TET2: variants seen among roughly 807,000 people sequenced by gnomAD.
TET2 encodes the protein tet methylcytosine dioxygenase 2.
In TET2, 299 loss-of-function variants were observed where a neutral mutation model predicts 142.9. The ratio of observed to expected loss-of-function variants is 2.09; its 90% confidence interval spans 1.90 to 2.30. The LOEUF (loss-of-function observed/expected upper bound fraction) is 2.30, where lower values mean the gene tolerates loss of function less well. Among genes scored for constraint, TET2 ranks in the 30% most tolerant of loss-of-function variants. The pLI is 0.00. For synonymous variants in TET2, 819 were observed against 849.0 expected, an observed-to-expected ratio of 0.96 and a Z score of 0.61; for missense variants, 2,418 against 2,378.0, an observed-to-expected ratio of 1.02 and a Z score of -0.35.
chr4:105,191,776 G>A (rs935003683), intron 2 of TET2, among the ~76,000 whole-genome samples: 2 of 152,082 alleles, frequency 1.3e-5, no homozygotes, highest in African/African-American at 2.4e-5. Context: ...CAGGGCAAGC[G>A]CATCTGTCTA....
chr4:105,180,793 C>T (rs911481398), intron 1 of TET2, among the ~76,000 whole-genome samples: 6 of 152,120 alleles, frequency 3.9e-5, no homozygotes, highest in Non-Finnish European at 7.4e-5. Flanking sequence ...GCATGTGCCA[C>T]CACACCTGGC....
In TET2 at chr4:105,235,003, C is replaced by A. The variant is rs1223795843; in HGVS notation, c.1061C>A (p.Ser354Ter). The stretch of plus-strand genomic sequence containing the variant: ...CTAGCGTCTGGTGAAGAATTCTGTT[C>A]AGGTTCCAGCAGCAATTTGCAAGCT... The part of the protein sequence containing the change: ...TKLASGEEFC[S>*]GSSSNLQAPG... The change falls in exon 3 of 11, where the codon TCA becomes TAA. Residue 354 changes from serine to a stop codon, truncating the protein, a stop_gained. Coordinates refer to ENST00000380013, the MANE Select transcript of TET2 (RefSeq NM_001127208.3). LOFTEE classifies it high-confidence loss of function. 6.2e-7 allele frequency: 1 copy of A among 1,614,062 alleles called. No homozygotes were observed. Among genetic ancestry groups the A allele is most frequent in the Non-Finnish European group, 8.5e-7 (1 of 1,179,986 alleles).
chr4:105,152,821 T>A (rs1338263173), intron 1 of TET2, among the ~76,000 whole-genome samples: 1 of 152,154 alleles, frequency 6.6e-6, no homozygotes, highest in Non-Finnish European at 1.5e-5. Flanking sequence ...GATCTCGTAC[T>A]CCTGGTCTCA....
chr4:105,246,514 A>G (rs1191236618), intron 6 of TET2, among the ~76,000 whole-genome samples: 2 of 152,160 alleles, frequency 1.3e-5, no homozygotes, highest in Non-Finnish European at 2.9e-5. Flanking sequence ...TGCTTAAGCT[A>G]TGCTTATGCA....
chr4:105,276,307 G>A lies in TET2; in HGVS notation c.5797G>A (p.Glu1933Lys), dbSNP rs2110316522. 4.5e-6 allele frequency: 7 copies of A among 1,551,654 alleles called. No homozygotes were observed. Among genetic ancestry groups the A allele is most frequent in the Non-Finnish European group, 6.1e-6 (7 of 1,146,960 alleles). ...EKAREKEEEC[E>K]KYGPDYVPQK... ...AGCCCGTGAGAAAGAGGAAGAGTGT[G>A]AAAAGTATGGCCCAGACTATGTGCC... Residue 1933 changes from glutamate to lysine, a missense_variant, in exon 11 of 11, where the codon GAA (glutamate) becomes AAA (lysine). Physicochemically the swap from Glu to Lys is moderately conservative, Grantham distance 56 (BLOSUM62 1). Transcript: ENST00000380013.
intron 1 of TET2, among the ~76,000 whole-genome samples, chr4:105,149,993 A>C (rs1367726359): frequency 6.6e-6 from 1 of 152,214 alleles, no homozygotes; most frequent in Non-Finnish European, 1.5e-5. Context: ...CACTTGTTGA[A>C]GTTAAAAGTT....
At chr4:105,229,269 GC>G (rs1384931202) in intron 2 of TET2, among the ~76,000 whole-genome samples, 2 of 152,164 alleles carry the variant, frequency 1.3e-5, no homozygotes, top group Admixed American at 1.3e-4. Context: ...AGTAAATCTA[GC>G]AGAAATAAAA....
chr4:105,266,353 A>C (rs933392749), intron 8 of TET2, among the ~76,000 whole-genome samples: 1 of 152,216 alleles, frequency 6.6e-6, no homozygotes, highest in Admixed American at 6.5e-5. Flanking sequence ...AAATTAAAAA[A>C]AAAATCTACC....
At position 105,204,232 on chromosome 4, in the gene TET2, T is replaced by TACACACACACAC. The variant is rs762266771; in HGVS notation, c.-47+13728_-47+13729insCACACACACACA. Among the ~76,000 whole-genome samples, 159 of 107,706 alleles carry TACACACACACAC rather than the reference T, an allele frequency of 1.5e-3. 1 individual carries two copies. The highest frequency in any genetic ancestry group is 5.0e-3 in the African/African-American group (129 of 25,832). The allele number at this position is 107,706 out of a possible 152,430, so 70.7% of individuals were successfully genotyped here. A position where few individuals can be genotyped will look rare whatever the true frequency, so the allele number is the denominator to read the frequency against. ...AAACAAACCAAAAAAAAAAAAAATA[T>TACACACACACAC]ATACACACACACACACACACACACA... On this transcript the variant is annotated intron_variant, in intron 2 of 10. Coordinates refer to ENST00000380013, the MANE Select transcript of TET2 (RefSeq NM_001127208.3).
intron 8 of TET2, among the ~76,000 whole-genome samples, chr4:105,264,348 AAAAT>A (rs1386986290): frequency 1.4e-4 from 21 of 152,298 alleles, no homozygotes; most frequent in East Asian, 1.3e-3. Flanking sequence ...TCAAGCTATA[AAAAT>A]AAATAAATGA....
chr4:105,209,141 A>G (rs1380379605), intron 2 of TET2, among the ~76,000 whole-genome samples: 2 of 142,980 alleles, frequency 1.4e-5, no homozygotes, highest in Admixed American at 7.1e-5. Flanking sequence ...ATACACTGGT[A>G]TAAATGTCTG....
At chr4:105,189,284 A>G (rs991150842) in intron 1 of TET2, among the ~76,000 whole-genome samples, 2 of 152,212 alleles carry the variant, frequency 1.3e-5, no homozygotes, top group South Asian at 2.1e-4. Flanking sequence ...AGTGTCTGGC[A>G]TTTACCAAGA....
chr4:105,236,202 G>A lies in TET2; in HGVS notation c.2260G>A (p.Glu754Lys), dbSNP rs1210417590. 6.2e-7 allele frequency: 1 copy of A among 1,614,008 alleles called. No homozygotes were observed. The highest frequency in any genetic ancestry group is 1.7e-5 in the Admixed American group (1 of 59,986). ...GCAAAAATTACAAATAAAGAATAAAGAGGAAATACTCCAGACTTTTCCTCA... is the reference window on the plus strand; with the variant it reads ...GCAAAAATTACAAATAAAGAATAAAAAGGAAATACTCCAGACTTTTCCTCA... ...QQQKLQIKNK[E>K]EILQTFPHPQ... Residue 754 changes from glutamate to lysine, a missense_variant, in exon 3 of 11, where the codon GAG becomes AAG. Glu to Lys is a moderately conservative substitution (Grantham distance 56). Coordinates refer to ENST00000380013, the MANE Select transcript of TET2 (RefSeq NM_001127208.3).
At chr4:105,160,246 GTC>G (rs891599111) in intron 1 of TET2, among the ~76,000 whole-genome samples, 2 of 151,894 alleles carry the variant, frequency 1.3e-5, no homozygotes, top group Non-Finnish European at 2.9e-5. Context: ...AAAGCTTTAA[GTC>G]TCTATATTTA....
At chr4:105,273,424 G>A (rs1430193056) in intron 10 of TET2, among the ~76,000 whole-genome samples, 1 of 152,162 alleles carries the variant, frequency 6.6e-6, no homozygotes, top group African/African-American at 2.4e-5. Context: ...TTGGCAGTAG[G>A]CCAAATTAGT....
chr4:105,260,307 A>G (rs1226749970), intron 7 of TET2, among the ~76,000 whole-genome samples: 2 of 152,132 alleles, frequency 1.3e-5, no homozygotes, highest in Non-Finnish European at 2.9e-5. Context: ...TAGAATACGT[A>G]TTTCTTATAA....
intron 9 of TET2, among the ~76,000 whole-genome samples, chr4:105,271,120 T>G (rs1730944298): frequency 6.6e-6 from 1 of 152,226 alleles, no homozygotes; most frequent in South Asian, 2.1e-4. Flanking sequence ...TTGTTTATTT[T>G]GTTTTTTAAA....
Position 105,236,917 on chromosome 4 carries a change from G to A in TET2, c.2975G>A (p.Cys992Tyr), listed in dbSNP as rs1444181867. ...KVEPGCKPHA[C>Y]MHTAPPENKT... ...GAACCTGGATGCAAGCCACATGCCTGTATGCACACAGCACCACCAGAAAAC... is the reference window on the plus strand; with the variant it reads ...GAACCTGGATGCAAGCCACATGCCTATATGCACACAGCACCACCAGAAAAC... Residue 992 changes from cysteine to tyrosine, a missense_variant, in exon 3 of 11, where the codon TGT becomes TAT. By Grantham distance (194) the Cys-to-Tyr change is radical. Coordinates refer to ENST00000380013, the MANE Select transcript of TET2 (RefSeq NM_001127208.3). The A allele has an allele frequency of 1.2e-6, 2 of 1,614,104 alleles. No individual in the cohort carries two copies. The highest frequency in any genetic ancestry group is 2.2e-5 in the East Asian group (1 of 44,860).
intron 1 of TET2, among the ~76,000 whole-genome samples, chr4:105,185,822 GATAAA>G (rs544368935): frequency 1.3e-5 from 2 of 152,144 alleles, no homozygotes; most frequent in Non-Finnish European, 1.5e-5. Context: ...AGTTTATAAA[GATAAA>G]ATAGAATAGG....
Sources: allele counts gnomAD v4.1 joint callset (sites outside exome capture counted in the v4.1 genomes callset), GRCh38; gene constraint gnomAD v4.1.1; transcripts MANE v1.5; gene names NCBI Gene and HGNC (gene_info 2026-07-23, HGNC 2026-07-21).